Variants in CAPN2 observed in about 807,000 individuals in gnomAD.
The protein encoded by CAPN2 is calpain-2 catalytic subunit.
CAPN2 carries 92 observed loss-of-function variants against 102.3 expected under a neutral mutation model. The observed-to-expected ratio is 0.90, with a 90% CI of 0.76 to 1.07. The LOEUF is 1.07. CAPN2 is among the 50% of genes least tolerant of loss of function. The pLI, the probability that CAPN2 is intolerant of heterozygous loss-of-function variation, is 0.00. For synonymous variants in CAPN2, 340 were observed against 355.4 expected, an observed-to-expected ratio of 0.96 and a Z score of 0.49; for missense variants, 800 against 909.4, an observed-to-expected ratio of 0.88 and a Z score of 1.55.
chr1:223,775,451 T>TATTG lies in CAPN2; in HGVS notation c.*599_*602dup, dbSNP rs1661594003. On this transcript the variant is annotated 3_prime_UTR_variant, in exon 21 of 21. Transcript: ENST00000295006. Reference sequence around the variant, plus strand: ...TAAACAAGAGACAGGTTTTGTAGAATATTGATTGGTAATAGTAAATCGTTC... The same window carrying TATTG: ...TAAACAAGAGACAGGTTTTGTAGAATATTGATTGATTGGTAATAGTAAATCGTTC... The TATTG allele has an allele frequency of 1.3e-5, 2 of 152,724 alleles. No homozygotes were observed. The highest frequency in any genetic ancestry group is 4.8e-5 in the African/African-American group (2 of 41,458). The allele number at this position is 152,724 out of a possible 1,614,324, so 9.5% of individuals were successfully genotyped here.
intron 7 of CAPN2, among the ~76,000 whole-genome samples, 162 bp downstream of exon 7, chr1:223,751,137 G>A (rs895309557): frequency 6.6e-6 from 1 of 152,150 alleles, no homozygotes; most frequent in Non-Finnish European, 1.5e-5. Flanking sequence ...CCCCTCAAAG[G>A]GTCTTTTAAC....
chr1:223,762,853 ATTTTAT>A (rs1661221610), intron 14 of CAPN2, among the ~76,000 whole-genome samples: 1 of 151,634 alleles, frequency 6.6e-6, no homozygotes, highest in Non-Finnish European at 1.5e-5. Flanking sequence ...GCTAATTTTT[ATTTTAT>A]TTTTATTTTT....
At chr1:223,750,226 G>A (rs189042166) in intron 6 of CAPN2, among the ~76,000 whole-genome samples, 43 of 152,148 alleles carry the variant, frequency 2.8e-4, no homozygotes, top group African/African-American at 7.2e-4. Flanking sequence ...TAGATTCACC[G>A]ATTGCTAACA....
At chr1:223,737,763 A>C (rs1660503489) in intron 2 of CAPN2, among the ~76,000 whole-genome samples, 3 of 148,696 alleles carry the variant, frequency 2.0e-5, no homozygotes, top group South Asian at 2.2e-4. Context: ...AAAAACAGTC[A>C]GTTCTAAAAG....
intron 6 of CAPN2, chr1:223,749,401 C>CTA (rs1285364649): frequency 5.5e-6 from 3 of 544,550 alleles, no homozygotes; most frequent in Non-Finnish European, 9.7e-6. Flanking sequence ...TACAACCTTA[C>CTA]TATTTTGATA....
intron 10 of CAPN2, among the ~76,000 whole-genome samples, chr1:223,757,154 C>CT (rs1490268771): frequency 3.3e-5 from 5 of 152,126 alleles, no homozygotes; most frequent in African/African-American, 2.4e-5. Flanking sequence ...GATTTATACT[C>CT]TAAGTTAGGA....
At position 223,775,126 on chromosome 1, in the gene CAPN2, A is replaced by T. The variant is rs535682976; in HGVS notation, c.*269A>T. ...AGAAAGCTTTAAATCTGTAAATAGT[A>T]TACACTTTTTACTTTTACACACTTT... On this transcript the variant is annotated 3_prime_UTR_variant, in exon 21 of 21. Coordinates refer to ENST00000295006, the MANE Select transcript of CAPN2 (RefSeq NM_001748.5). The T allele has an allele frequency of 2.2e-5, 10 of 449,404 alleles. No individual in the cohort carries two copies. The highest frequency in any genetic ancestry group is 6.0e-5 in the African/African-American group (3 of 49,910). The allele number at this position is 449,404 out of a possible 1,614,324, so 27.8% of individuals were successfully genotyped here.
At chr1:223,734,265 C>T (rs1660398208) in intron 2 of CAPN2, among the ~76,000 whole-genome samples, 1 of 152,212 alleles carries the variant, frequency 6.6e-6, no homozygotes, top group Non-Finnish European at 1.5e-5. Context: ...CTTCTCAGTG[C>T]TCCCCCTCTT....
intron 1 of CAPN2, chr1:223,701,852 C>T (rs1350362759): frequency 6.7e-6 from 1 of 148,374 alleles, no homozygotes; most frequent in Non-Finnish European, 1.5e-5. Context: ...ACTAAAAATA[C>T]AAAAATTAGC....
chr1:223,711,584 G>C (rs953229497), upstream of CAPN2, among the ~76,000 whole-genome samples: 1 of 152,074 alleles, frequency 6.6e-6, no homozygotes, highest in South Asian at 2.1e-4. Flanking sequence ...CATTTGGGAG[G>C]GTTGTTGTTT....
chr1:223,720,321 T>C (rs1253017211), intron 2 of CAPN2, among the ~76,000 whole-genome samples: 1 of 144,226 alleles, frequency 6.9e-6, no homozygotes, highest in Admixed American at 6.9e-5. Context: ...CTCTCTTTTT[T>C]TTTTTTTTTT....
chr1:223,746,475 C>CTTT (rs60366533), intron 4 of CAPN2, among the ~76,000 whole-genome samples: 5 of 108,494 alleles, frequency 4.6e-5, no homozygotes, highest in Admixed American at 1.0e-4. Flanking sequence ...CTACGAGAAT[C>CTTT]TTTTTTTTTT....
At chr1:223,722,665 T>A (rs1335334400) in intron 2 of CAPN2, among the ~76,000 whole-genome samples, 4 of 152,192 alleles carry the variant, frequency 2.6e-5, no homozygotes, top group Non-Finnish European at 4.4e-5. Flanking sequence ...GACTTTTTTT[T>A]AAGAACAGTG....
intron 3 of CAPN2, 77 bp downstream of exon 3, chr1:223,744,295 C>T (rs1660693812): frequency 1.1e-6 from 1 of 916,694 alleles, no homozygotes. Flanking sequence ...TGGCTGGGTT[C>T]ATCAGTCCCT....
intron 2 of CAPN2, among the ~76,000 whole-genome samples, chr1:223,719,851 G>A (rs923840021): frequency 2.0e-5 from 3 of 149,582 alleles, no homozygotes; most frequent in East Asian, 2.0e-4. Context: ...CGCGTATAAT[G>A]CAGTATTGGT....
At chr1:223,769,510 A>T (rs915006397) in intron 16 of CAPN2, among the ~76,000 whole-genome samples, 4 of 151,840 alleles carry the variant, frequency 2.6e-5, no homozygotes, top group African/African-American at 4.8e-5. Context: ...CACATACTTT[A>T]AAAAAAACAG....
At chr1:223,734,779 C>CT (rs1455273741) in intron 2 of CAPN2, among the ~76,000 whole-genome samples, 18 of 152,222 alleles carry the variant, frequency 1.2e-4, no homozygotes, top group African/African-American at 3.9e-4. Flanking sequence ...AGAGCAAACA[C>CT]TTGGAGACAC....
At chr1:223,717,703 C>A (rs1659914153) in intron 1 of CAPN2, 59 bp from the exon 2 acceptor site, 9 of 1,392,888 alleles carry the variant, frequency 6.5e-6, no homozygotes, top group Non-Finnish European at 9.2e-6. Flanking sequence ...ATGGAGGCAT[C>A]CTAGCTGCAG....
intron 16 of CAPN2, among the ~76,000 whole-genome samples, chr1:223,768,422 TC>T (rs1661391704): frequency 6.6e-6 from 1 of 150,964 alleles, no homozygotes; most frequent in Non-Finnish European, 1.5e-5. Context: ...TAGCCAGTTT[TC>T]CCAGCACCAT....
Sources: allele counts gnomAD v4.1 joint callset (sites outside exome capture counted in the v4.1 genomes callset), GRCh38; gene constraint gnomAD v4.1.1; transcripts MANE v1.5; gene names NCBI Gene and HGNC (gene_info 2026-07-23, HGNC 2026-07-21).